The following VAV3 variants were observed in gnomAD, a reference collection of about 807,000 sequenced individuals.
VAV3 encodes vav guanine nucleotide exchange factor 3, also known as guanine nucleotide exchange factor VAV3.
Under a neutral mutation model 131.2 loss-of-function variants are expected in VAV3, and 94 were observed. The observed-to-expected ratio is 0.72, with a 90% CI of 0.61 to 0.85. The LOEUF is 0.85. Among genes scored for constraint, VAV3 ranks in the 40% least tolerant of loss-of-function variants. The probability of loss-of-function intolerance (pLI) is 0.00; values close to 1 mark genes in which losing one functional copy is unlikely to be tolerated. For synonymous variants in VAV3, 349 were observed against 342.0 expected, an observed-to-expected ratio of 1.02 and a Z score of -0.22; for missense variants, 939 against 1,002.7, an observed-to-expected ratio of 0.94 and a Z score of 0.86.
At chr1:107,851,334 A>G (rs998118367) in intron 2 of VAV3, among the ~76,000 whole-genome samples, 4 of 150,498 alleles carry the variant, frequency 2.7e-5, no homozygotes, top group African/African-American at 9.8e-5. Flanking sequence ...GGTCACTGTC[A>G]TATCTATTCA....
chr1:107,659,293 T>A (rs1199544951), intron 19 of VAV3, among the ~76,000 whole-genome samples: 1 of 152,048 alleles, frequency 6.6e-6, no homozygotes, highest in Non-Finnish European at 1.5e-5. Context: ...AAAAAAAGTA[T>A]AAAAGGCCTG....
At chr1:107,960,465 CAAAAA>C (rs61022558) in intron 1 of VAV3, among the ~76,000 whole-genome samples, 1 of 140,730 alleles carries the variant, frequency 7.1e-6, no homozygotes, top group African/African-American at 2.6e-5. Flanking sequence ...GACTCCGTCT[CAAAAA>C]AAAAAAGAAA....
At chr1:107,884,833 T>C (rs536989085) in intron 1 of VAV3, among the ~76,000 whole-genome samples, 4 of 152,258 alleles carry the variant, frequency 2.6e-5, no homozygotes, top group East Asian at 1.9e-4. Context: ...CTTGCAAGGT[T>C]CTCTACTTAG....
At position 107,836,056 on chromosome 1, in the gene VAV3, G is replaced by A. The variant is rs76050750; in HGVS notation, c.321+38845C>T. 4.3e-4 allele frequency among the ~76,000 whole-genome samples: 66 copies of A among 152,264 alleles called. No individual in the cohort carries two copies. In the East Asian group the frequency reaches 9.1e-3, roughly 21 times the overall value. On this transcript the variant is annotated intron_variant, in intron 2 of 26. Coordinates refer to ENST00000370056, the MANE Select transcript of VAV3 (RefSeq NM_006113.5). ...ATAAAACAAGTTTTTAGAGACCCAC[G>A]AAAAGACAGGCACAAAATAATAGTG...
intron 25 of VAV3, among the ~76,000 whole-genome samples, chr1:107,594,445 C>CA (rs897628692): frequency 1.0e-4 from 15 of 150,738 alleles, no homozygotes; most frequent in East Asian, 5.8e-4. Context: ...TTCACAATTA[C>CA]AAAAAAAAAG....
intron 2 of VAV3, among the ~76,000 whole-genome samples, chr1:107,854,551 T>C (rs1669378090): frequency 6.6e-6 from 1 of 152,224 alleles, no homozygotes; most frequent in South Asian, 2.1e-4. Flanking sequence ...TGTGTTCATC[T>C]ACCATTTATT....
intron 19 of VAV3, among the ~76,000 whole-genome samples, chr1:107,679,405 A>G (rs536313463): frequency 8.5e-5 from 13 of 152,208 alleles, no homozygotes; most frequent in Admixed American, 6.5e-5. Context: ...AAGATCAGAA[A>G]GAGTGTAAGC....
chr1:107,712,685 T>G (rs1411200423), intron 15 of VAV3, among the ~76,000 whole-genome samples: 1 of 152,222 alleles, frequency 6.6e-6, no homozygotes, highest in East Asian at 1.9e-4. Flanking sequence ...TAAAAAAAAC[T>G]TATTAATTAT....
intron 15 of VAV3, among the ~76,000 whole-genome samples, chr1:107,715,208 A>C (rs1471266502): frequency 6.6e-6 from 1 of 152,146 alleles, no homozygotes; most frequent in East Asian, 1.9e-4. Flanking sequence ...ATTTGTTTAG[A>C]ACCTGTTCCA....
At chr1:107,713,851 A>T (rs1660931846) in intron 15 of VAV3, among the ~76,000 whole-genome samples, 1 of 152,088 alleles carries the variant, frequency 6.6e-6, no homozygotes, top group African/African-American at 2.4e-5. Flanking sequence ...CTTATACATC[A>T]TCACCTAAAT....
At chr1:107,591,979 T>C (rs543482250) in intron 25 of VAV3, among the ~76,000 whole-genome samples, 1 of 152,202 alleles carries the variant, frequency 6.6e-6, no homozygotes, top group East Asian at 1.9e-4. Flanking sequence ...TCACATCTTT[T>C]ATAGCAACAT....
intron 1 of VAV3, among the ~76,000 whole-genome samples, chr1:107,882,916 T>C (rs1670851840): frequency 1.3e-5 from 2 of 152,190 alleles, no homozygotes; most frequent in Admixed American, 6.6e-5. Flanking sequence ...CAGTAAATGA[T>C]GACCCTAAAG....
At chr1:107,730,113 A>C (rs953663879) in intron 15 of VAV3, among the ~76,000 whole-genome samples, 2 of 152,220 alleles carry the variant, frequency 1.3e-5, no homozygotes, top group Non-Finnish European at 2.9e-5. Flanking sequence ...TACTATTTTA[A>C]TAAGTGACGG....
intron 2 of VAV3, among the ~76,000 whole-genome samples, chr1:107,783,710 C>T (rs1194825181): frequency 6.6e-5 from 10 of 152,042 alleles, no homozygotes; most frequent in Non-Finnish European, 1.5e-5. Context: ...ATAACTCCAC[C>T]GTAGCATCTA....
chr1:107,783,295 A>G (rs1381060533), intron 2 of VAV3, among the ~76,000 whole-genome samples: 1 of 152,190 alleles, frequency 6.6e-6, no homozygotes, highest in East Asian at 1.9e-4. Flanking sequence ...AGACTGGGGT[A>G]GAGGACATAG....
chr1:107,638,954 C>G lies in VAV3; in HGVS notation c.1914+3665G>C, dbSNP rs540587917. ...AAGATACACACACACGGCATATATA[C>G]ACATAAAGATATATATATACACACA... On this transcript the variant is annotated intron_variant, in intron 20 of 26. Transcript: ENST00000370056. Among the ~76,000 whole-genome samples the G allele has an allele frequency of 5.9e-5, 9 of 151,730 alleles. No homozygotes were observed. In the South Asian group the frequency reaches 1.9e-3, roughly 32 times the overall value.
intron 1 of VAV3, among the ~76,000 whole-genome samples, chr1:107,885,049 G>A (rs907688175): frequency 1.3e-5 from 2 of 152,070 alleles, no homozygotes; most frequent in East Asian, 3.9e-4. Flanking sequence ...AGCATGGAGG[G>A]TATCTAGGCT....
At chr1:107,920,745 C>T (rs1672855611) in intron 1 of VAV3, among the ~76,000 whole-genome samples, 1 of 152,152 alleles carries the variant, frequency 6.6e-6, no homozygotes, top group South Asian at 2.1e-4. Flanking sequence ...GGGATCCTCC[C>T]CCTACTGAAT....
At position 107,572,477 on chromosome 1, in the gene VAV3, G is replaced by A. The variant is rs1253342668; in HGVS notation, c.*854C>T. On this transcript the variant is annotated 3_prime_UTR_variant, in exon 27 of 27. Transcript: ENST00000370056. ...TGACATAAATTATAGCCCTTGATCT[G>A]TTTCTGTAAACAATGCCAGCTTCTT... is the stretch of plus-strand genomic sequence containing the variant. 6.6e-6 allele frequency: 1 copy of A among 152,556 alleles called. No individual in the cohort carries two copies. The highest frequency in any genetic ancestry group is 2.4e-5 in the African/African-American group (1 of 41,430). The allele number at this position is 152,556 out of a possible 1,614,324, so 9.5% of individuals were successfully genotyped here.
Sources: gnomAD v4.1 joint callset for allele counts (sites outside exome capture counted in the v4.1 genomes callset) on GRCh38, gnomAD v4.1.1 for gene constraint, MANE v1.5 for transcripts, NCBI Gene and HGNC (gene_info 2026-07-23, HGNC 2026-07-21) for gene names.